The following LPIN2 variants were observed in gnomAD, a reference collection of about 807,000 sequenced individuals.
The protein encoded by LPIN2 is phosphatidate phosphatase LPIN2.
A neutral mutation model predicts 111.4 loss-of-function variants in LPIN2; 55 were observed. The observed-to-expected ratio is 0.49, with a 90% CI of 0.40 to 0.62. The LOEUF is 0.62. Among genes scored for constraint, LPIN2 ranks in the 20% least tolerant of loss-of-function variants. LPIN2 has a pLI of 0.00. For missense variants in LPIN2, 992 were observed against 1,112.1 expected, an observed-to-expected ratio of 0.89 and a Z score of 1.54; for synonymous variants, 425 against 414.0, an observed-to-expected ratio of 1.03 and a Z score of -0.32.
intron 1 of LPIN2, among the ~76,000 whole-genome samples, chr18:2,991,517 T>C (rs3016721): frequency 0.94 from 143,457 of 152,138 alleles, 67,932 homozygotes; most frequent in East Asian, 1. Flanking sequence ...TAGAGACCAG[T>C]GTAGGCAACA....
At chr18:2,991,041 GATGGTGCCC>G in intron 1 of LPIN2, 1 of 568,478 alleles carries the variant, frequency 1.8e-6, no homozygotes, top group Non-Finnish European at 3.5e-6. Context: ...CTTGTCCCAT[GATGGTGCCC>G]ACTTGGCCCA....
At chr18:2,937,169 G>C (rs113979993) in intron 7 of LPIN2, among the ~76,000 whole-genome samples, 1 of 152,112 alleles carries the variant, frequency 6.6e-6, no homozygotes, top group Non-Finnish European at 1.5e-5. Flanking sequence ...AGTAGCAACA[G>C]TCAAGAGACA....
intron 1 of LPIN2, among the ~76,000 whole-genome samples, chr18:3,007,180 A>C (rs554779307): frequency 6.6e-6 from 1 of 152,022 alleles, no homozygotes; most frequent in Non-Finnish European, 1.5e-5. Flanking sequence ...ATTTTTATTT[A>C]TCTTTTTTGA....
chr18:2,952,242 C>T (rs1442689951), intron 3 of LPIN2, among the ~76,000 whole-genome samples: 2 of 152,132 alleles, frequency 1.3e-5, no homozygotes, highest in East Asian at 3.9e-4. Context: ...GCCTGGCTAA[C>T]ATGGTGAAAC....
chr18:2,921,599 A>G lies in LPIN2; in HGVS notation c.2376T>C (p.Asn792=), dbSNP rs771851070. ...ACGGGGCAAACAGATTCTTGATATC[A>G]TTTAGACACTCAATTTTGAACTTCT... ...KPEKFKIECL[N]DIKNLFAPSK... Residue 792 remains asparagine (N), a synonymous_variant, in exon 18 of 20, where the codon AAT becomes AAC. Coordinates refer to ENST00000677752, the MANE Select transcript of LPIN2 (RefSeq NM_001375808.2). 3 of 1,614,084 alleles carry G rather than the reference A, an allele frequency of 1.9e-6. No homozygotes were observed. Among genetic ancestry groups the G allele is most frequent in the Non-Finnish European group, 2.5e-6 (3 of 1,179,938 alleles).
intron 9 of LPIN2, among the ~76,000 whole-genome samples, chr18:2,930,736 C>T (rs1334415771): frequency 6.6e-6 from 1 of 152,246 alleles, no homozygotes; most frequent in African/African-American, 2.4e-5. Context: ...GCTAAACTCC[C>T]TCCTGATTCC....
chr18:2,998,272 A>C (rs2078375427), intron 1 of LPIN2, among the ~76,000 whole-genome samples: 1 of 152,258 alleles, frequency 6.6e-6, no homozygotes, highest in Admixed American at 6.5e-5. Flanking sequence ...TGCAAAACAA[A>C]TGCCAAGTAA....
At chr18:2,961,834 C>T (rs2077718825) in intron 1 of LPIN2, among the ~76,000 whole-genome samples, 1 of 152,140 alleles carries the variant, frequency 6.6e-6, no homozygotes. Flanking sequence ...AGAGAGTAAC[C>T]AAGAGCCCCT....
rs537039515 is a variant in LPIN2 at position 2,918,599 on chromosome 18, G to C, written c.*1694C>G. The C allele has an allele frequency of 6.6e-6, 1 of 152,268 alleles. No homozygotes were observed. Among genetic ancestry groups the C allele is most frequent in the East Asian group, 1.9e-4 (1 of 5,178 alleles). The allele number at this position is 152,268 out of a possible 1,614,324, so 9.4% of individuals were successfully genotyped here. On this transcript the variant is annotated 3_prime_UTR_variant, in exon 20 of 20. Transcript: ENST00000677752. ...TTATCAACTATTTAAGCTGGGGGAA[G>C]CTTTGCATGGGAGAAGGCTCATGTG...
chr18:2,968,262 G>A (rs1277701793), intron 1 of LPIN2, among the ~76,000 whole-genome samples: 1 of 152,128 alleles, frequency 6.6e-6, no homozygotes, highest in African/African-American at 2.4e-5. Context: ...AAGGAAATCT[G>A]GAAGAAGCCT....
rs757315664 is a variant in LPIN2 at position 2,920,367 on chromosome 18, G to A, written c.2617C>T (p.Pro873Ser). ...CAGAAGGAGCTGAACTCCGGGCAGG[G>A]AAAAGCGGAATTCTGCTCCTTACTG... ...LLSKEQNSAFPCPEFSSFCYW... is the reference protein window; with the variant it reads ...LLSKEQNSAFSCPEFSSFCYW... The change falls in exon 20 of 20, where the codon CCC becomes TCC. Residue 873 changes from proline (P) to serine (S), a missense_variant. By Grantham distance (74) the Pro-to-Ser change is moderately conservative. Around this residue, in one of 4 missense-constraint regions of LPIN2, gnomAD observed 185 missense variants for 186.5 expected, o/e 0.99. Transcript: ENST00000677752. The A allele has an allele frequency of 8.1e-6, 13 of 1,614,150 alleles. No homozygotes were observed. Among genetic ancestry groups the A allele is most frequent in the Non-Finnish European group, 1.0e-5 (12 of 1,180,042 alleles).
intron 4 of LPIN2, among the ~76,000 whole-genome samples, chr18:2,945,078 C>T (rs2077430030): frequency 6.6e-6 from 1 of 152,026 alleles, no homozygotes; most frequent in Admixed American, 6.6e-5. Flanking sequence ...AACTGCAGAG[C>T]TTCATCTCTT....
chr18:3,000,445 C>A lies in LPIN2; in HGVS notation c.-10+12642G>T, dbSNP rs553197042. On this transcript the variant is annotated intron_variant, in intron 1 of 19. Coordinates refer to ENST00000677752, the MANE Select transcript of LPIN2 (RefSeq NM_001375808.2). ...AACACCTGCACTGTTGTGGGCTCCACCTATGGCAGTCACGACAGAAACATG... is the reference window on the plus strand; with the variant it reads ...AACACCTGCACTGTTGTGGGCTCCAACTATGGCAGTCACGACAGAAACATG... 7.2e-5 allele frequency among the ~76,000 whole-genome samples: 11 copies of A among 152,342 alleles called. No homozygotes were observed. The South Asian group carries it at 2.3e-3, about 32-fold the overall frequency.
At chr18:2,971,254 G>A (rs2077904068) in intron 1 of LPIN2, among the ~76,000 whole-genome samples, 1 of 152,160 alleles carries the variant, frequency 6.6e-6, no homozygotes, top group African/African-American at 2.4e-5. Flanking sequence ...AGGTTCCCTG[G>A]GTAAGGAGGA....
In LPIN2 at chr18:2,923,936, CAGCTGCCAATAACTAATTGGTG is replaced by C. The variant is rs1248082230; in HGVS notation, c.2088-97_2088-76del. 5 of 1,189,898 alleles carry C rather than the reference CAGCTGCCAATAACTAATTGGTG, an allele frequency of 4.2e-6. No homozygotes were observed. The East Asian group carries it at 1.2e-4, about 28-fold the overall frequency. 73.7% of individuals were successfully genotyped at this position (1,189,898 alleles called of 1,614,324 possible). A position where few individuals can be genotyped will look rare whatever the true frequency, so the allele number is the denominator to read the frequency against. On this transcript the variant is annotated intron_variant, in intron 15 of 19. Transcript: ENST00000677752. ...AGCGTTTTCCTATTTGGTTGACTAT[CAGCTGCCAATAACTAATTGGTG>C]GCGGGACACTCTTGAAAGGGGATTT...
chr18:2,989,384 G>T (rs1181906425), intron 1 of LPIN2, among the ~76,000 whole-genome samples: 1 of 148,938 alleles, frequency 6.7e-6, no homozygotes, highest in East Asian at 1.9e-4. Context: ...AAAAATCACT[G>T]AAAAAAAAAA....
At chr18:2,997,057 T>C (rs1384063659) in intron 1 of LPIN2, among the ~76,000 whole-genome samples, 13 of 151,384 alleles carry the variant, frequency 8.6e-5, no homozygotes, top group South Asian at 4.2e-4. Flanking sequence ...TCTCGGCTCA[T>C]TGCAACCTCC....
Position 2,922,027 on chromosome 18 carries a change from G to C in LPIN2, c.2327+20C>G. ...CACATGCTGGGGCGGTGGGCAGAGG[G>C]CTGCCTGCCGGAGAGGTACCTGTGG... On this transcript the variant is annotated intron_variant, in intron 17 of 19. Transcript: ENST00000677752. 1 of 1,608,004 alleles carries C rather than the reference G, an allele frequency of 6.2e-7. No homozygotes were observed. Among genetic ancestry groups the C allele is most frequent in the Non-Finnish European group, 8.5e-7 (1 of 1,176,404 alleles).
chr18:2,956,442 T>C, intron 2 of LPIN2, among the ~76,000 whole-genome samples: 1 of 152,126 alleles, frequency 6.6e-6, no homozygotes, highest in South Asian at 2.1e-4. Flanking sequence ...AATAAGCAGA[T>C]CTTTGTTCGT....
Sources: allele counts gnomAD v4.1 joint callset (sites outside exome capture counted in the v4.1 genomes callset), GRCh38; gene constraint gnomAD v4.1.1; regional missense constraint gnomAD v4.1.1; transcripts MANE v1.5; gene names NCBI Gene and HGNC (gene_info 2026-07-23, HGNC 2026-07-21).